Variants in GLRA2 observed in about 807,000 individuals in gnomAD.
GLRA2 encodes the protein glycine receptor subunit alpha-2.
In GLRA2, 11 loss-of-function variants were observed where a neutral mutation model predicts 31.6. That is an observed-to-expected ratio of 0.35 (90% CI 0.22 to 0.58). The LOEUF is 0.58. Ranked by LOEUF, GLRA2 falls within the 20% of genes least tolerant of loss-of-function variation. GLRA2 has a pLI of 0.84. For synonymous variants in GLRA2, 132 were observed against 134.0 expected (o/e 0.99, Z 0.10); for missense variants, 212 against 351.8 (o/e 0.60, Z 3.18).
chrX:14,708,354 C>G (rs756718994), intron 8 of GLRA2, among the ~76,000 whole-genome samples: 3 of 111,722 alleles, frequency 2.7e-5, no homozygotes, highest in East Asian at 5.7e-4. Context: ...AGGCTTAAAC[C>G]TTCTCACATA....
rs144658217 is a variant in GLRA2 at position 14,686,883 on chromosome X, G to A, written c.931-3827G>A. Among the ~76,000 whole-genome samples the A allele has an allele frequency of 3.1e-3, 343 of 111,951 alleles. 1 individual carries two copies. Among genetic ancestry groups the A allele is most frequent in the African/African-American group, 1.0e-2 (308 of 30,844 alleles). ...ATGATGTTAGCTGGTTATTTTGCTC[G>A]TTAGTTGATGCAGCTTCTTCCTAGC... is the stretch of plus-strand genomic sequence containing the variant. On this transcript the variant is annotated intron_variant, in intron 7 of 8. Transcript: ENST00000218075.
chrX:14,490,516 T>TA, the GLRA2 span, among the ~76,000 whole-genome samples: 1 of 112,457 alleles, frequency 8.9e-6, no homozygotes, highest in Non-Finnish European at 1.9e-5. Flanking sequence ...GACAATTCTC[T>TA]AAAAAATAAA....
chrX:14,573,549 T>C (rs779983432), intron 2 of GLRA2, among the ~76,000 whole-genome samples: 4 of 110,706 alleles, frequency 3.6e-5, no homozygotes, highest in Non-Finnish European at 5.7e-5. Flanking sequence ...CCCAGCAAAA[T>C]GTGAAGCAGA....
intron 7 of GLRA2, among the ~76,000 whole-genome samples, chrX:14,623,063 G>A (rs138184765): frequency 0.028 from 3,108 of 110,966 alleles, 112 homozygotes; most frequent in African/African-American, 0.095. Flanking sequence ...CAGGTCCCTC[G>A]CATCCCTGGT....
At chrX:14,623,077 T>C (rs886778244) in intron 7 of GLRA2, among the ~76,000 whole-genome samples, 1 of 111,672 alleles carries the variant, frequency 9.0e-6, no homozygotes, top group Non-Finnish European at 1.9e-5. Context: ...CCCTGGTAAG[T>C]TGGATTCCTA....
chrX:14,687,418 A>C (rs991371709), intron 7 of GLRA2, among the ~76,000 whole-genome samples: 7 of 111,744 alleles, frequency 6.3e-5, no homozygotes, highest in Non-Finnish European at 7.5e-5. Flanking sequence ...TGGTTCCATT[A>C]TCCTCGTCAC....
At chrX:14,618,146 G>A (rs1329428099) in intron 7 of GLRA2, among the ~76,000 whole-genome samples, 2 of 111,924 alleles carry the variant, frequency 1.8e-5, no homozygotes, top group Admixed American at 1.9e-4. Context: ...CTTCCAGGAA[G>A]CTTTCTCAAA....
chrX:14,574,579 G>T, intron 3 of GLRA2, 179 bp downstream of exon 3: 1 of 1,109,835 alleles, frequency 9.0e-7, no homozygotes, highest in South Asian at 1.8e-5. Context: ...ACTGAGCATT[G>T]AAGCCATCGT....
rs1280616280 is a variant in GLRA2, at chrX:14,529,657, A to G, written c.-401A>G. 6.6e-6 allele frequency: 1 copy of G among 151,356 alleles called. No individual in the cohort carries two copies. The highest frequency in any genetic ancestry group is 3.2e-5 in the African/African-American group (1 of 31,305). 12.5% of individuals were successfully genotyped at this position (151,356 alleles called of 1,213,427 possible). A position where few individuals can be genotyped will look rare whatever the true frequency, so the allele number is the denominator to read the frequency against. ...ATTTACAACTTCTTTTTAAAAGAAAACATTTTCTAGAAAAAGGGCTTTGCT... is the reference window on the plus strand; with the variant it reads ...ATTTACAACTTCTTTTTAAAAGAAAGCATTTTCTAGAAAAAGGGCTTTGCT... On this transcript the variant is annotated 5_prime_UTR_variant, in exon 1 of 9. Transcript: ENST00000218075.
chrX:14,463,053 T>C, the GLRA2 span, among the ~76,000 whole-genome samples: 4 of 111,892 alleles, frequency 3.6e-5, no homozygotes, highest in Non-Finnish European at 7.5e-5. Flanking sequence ...TTTTTGTTGA[T>C]GTTGATGCTA....
At chrX:14,650,695 A>G (rs377041015) in intron 7 of GLRA2, among the ~76,000 whole-genome samples, 1 of 111,068 alleles carries the variant, frequency 9.0e-6, no homozygotes. Flanking sequence ...TTTCATCACA[A>G]TTTCCCCCAT....
At chrX:14,578,978 A>T (rs1377810993) in intron 3 of GLRA2, among the ~76,000 whole-genome samples, 3 of 112,102 alleles carry the variant, frequency 2.7e-5, no homozygotes, top group African/African-American at 9.7e-5. Context: ...GGGTGAACTC[A>T]AAGTGTACAA....
the GLRA2 span, among the ~76,000 whole-genome samples, chrX:14,450,311 A>G: frequency 8.9e-6 from 1 of 111,756 alleles, no homozygotes; most frequent in Non-Finnish European, 1.9e-5. Flanking sequence ...GGGTTATTGG[A>G]GGAGAGTTGC....
At chrX:14,689,331 G>A (rs2091317290) in intron 7 of GLRA2, among the ~76,000 whole-genome samples, 1 of 112,464 alleles carries the variant, frequency 8.9e-6, no homozygotes, top group Non-Finnish European at 1.9e-5. Flanking sequence ...TAACCTATAT[G>A]TCCTACAATG....
intron 7 of GLRA2, among the ~76,000 whole-genome samples, chrX:14,614,610 T>C (rs2090435774): frequency 8.9e-6 from 1 of 112,089 alleles, no homozygotes; most frequent in Non-Finnish European, 1.9e-5. Context: ...ATCTTTCTGC[T>C]TTCACCCTAC....
the GLRA2 span, among the ~76,000 whole-genome samples, chrX:14,462,212 G>C: frequency 8.9e-6 from 1 of 112,049 alleles, no homozygotes; most frequent in Non-Finnish European, 1.9e-5. Flanking sequence ...TCTGCCGAGA[G>C]ATCAGCTATT....
chrX:14,686,589 G>GC (rs1485200415), intron 7 of GLRA2, among the ~76,000 whole-genome samples: 2 of 110,951 alleles, frequency 1.8e-5, no homozygotes, highest in African/African-American at 6.6e-5. Context: ...TTTCTCTTTT[G>GC]ATCTTTGTTG....
At chrX:14,603,022 G>A (rs2090293341) in intron 4 of GLRA2, among the ~76,000 whole-genome samples, 1 of 109,767 alleles carries the variant, frequency 9.1e-6, no homozygotes, top group South Asian at 3.8e-4. Context: ...CATAGTGGTT[G>A]TACTAGTTTA....
At chrX:14,688,815 C>A in intron 7 of GLRA2, among the ~76,000 whole-genome samples, 1 of 110,921 alleles carries the variant, frequency 9.0e-6, no homozygotes, top group Non-Finnish European at 1.9e-5. Context: ...GTCCTGCCCC[C>A]ACTGTCTGAT....
Sources: gnomAD v4.1 joint callset for allele counts (sites outside exome capture counted in the v4.1 genomes callset) on GRCh38, gnomAD v4.1.1 for gene constraint, MANE v1.5 for transcripts, NCBI Gene and HGNC (gene_info 2026-07-23, HGNC 2026-07-21) for gene names.